Variants in NEK3 observed in about 807,000 individuals in gnomAD.
NEK3 encodes the protein NIMA related kinase 3.
Under a neutral mutation model 66.0 loss-of-function variants are expected in NEK3, and 54 were observed. The ratio of observed to expected loss-of-function variants is 0.82; its 90% CI spans 0.66 to 1.03. The LOEUF is 1.03. Ranked by LOEUF, NEK3 falls within the 50% of genes least tolerant of loss-of-function variation. The pLI is 0.00. For missense variants in NEK3, 593 were observed against 603.0 expected (o/e 0.98, Z 0.17); for synonymous variants, 200 against 206.2 (o/e 0.97, Z 0.26).
At chr13:52,145,550 C>T (rs1047859332) in intron 8 of NEK3, among the ~76,000 whole-genome samples, 9 of 152,148 alleles carry the variant, frequency 5.9e-5, no homozygotes, top group East Asian at 3.9e-4. Flanking sequence ...TGGGCTCAAA[C>T]GATCCTCCCA....
At position 52,159,566 on chromosome 13, in the gene NEK3, C is replaced by T. The variant is rs960365609; in HGVS notation, c.-81G>A. The T allele has an allele frequency of 6.6e-6, 1 of 152,226 alleles. No homozygotes were observed. The highest frequency in any genetic ancestry group is 1.5e-5 in the Non-Finnish European group (1 of 68,090). 9.4% of individuals were successfully genotyped at this position (152,226 alleles called of 1,614,324 possible). A position where few individuals can be genotyped will look rare whatever the true frequency, so the allele number is the denominator to read the frequency against. On this transcript the variant is annotated 5_prime_UTR_variant, in exon 1 of 16. Coordinates refer to ENST00000610828, the MANE Select transcript of NEK3 (RefSeq NM_002498.3). ...ACCCGCTTCCCCGGCGACCCTAGTC[C>T]ACTCCTTGGCCTGGCAACCGGCGGC...
chr13:52,151,321 A>G lies in NEK3; in HGVS notation c.461+4T>C. On this transcript the variant is annotated splice_donor_region_variant and intron_variant, in intron 6 of 15. Transcript: ENST00000610828. ...TGTCACTACCGTAGAACAGACATAC[A>G]TACTTGGAGAGAAGACGGGCAGATC... 6.3e-7 allele frequency: 1 copy of G among 1,598,610 alleles called. No individual in the cohort carries two copies. Among genetic ancestry groups the G allele is most frequent in the Non-Finnish European group, 8.5e-7 (1 of 1,172,158 alleles).
At chr13:52,158,010 T>C (rs1290311633) in intron 1 of NEK3, among the ~76,000 whole-genome samples, 1 of 152,192 alleles carries the variant, frequency 6.6e-6, no homozygotes, top group Non-Finnish European at 1.5e-5. Flanking sequence ...CCCGAGTAGC[T>C]GGGATTACAG....
Position 52,136,810 on chromosome 13 carries a change from T to G in NEK3, c.1020A>C (p.Arg340Ser). ...LVESALRRVN[R>S]EEKGNKSVHL... ...ATTTGAATAACTTACCTTTTTCTTCTCTGTTTACTCTTCTCAATGCACTTT... is the reference window on the plus strand; with the variant it reads ...ATTTGAATAACTTACCTTTTTCTTCGCTGTTTACTCTTCTCAATGCACTTT... The change falls in exon 12 of 16, where the codon AGA becomes AGC. Residue 340 changes from arginine (R) to serine (S), a missense_variant. Transcript: ENST00000610828. 6.4e-7 allele frequency: 1 copy of G among 1,552,538 alleles called. No homozygotes were observed. Among genetic ancestry groups the G allele is most frequent in the Non-Finnish European group, 8.7e-7 (1 of 1,146,038 alleles).
chr13:52,138,106 C>CA (rs1292814399), intron 11 of NEK3, among the ~76,000 whole-genome samples: 1 of 152,208 alleles, frequency 6.6e-6, no homozygotes, highest in Non-Finnish European at 1.5e-5. Context: ...CTGCCCTCCT[C>CA]AACTTCCCAG....
chr13:52,148,495 T>G, intron 7 of NEK3, 26 bp from the exon 8 acceptor site: 1 of 1,605,608 alleles, frequency 6.2e-7, no homozygotes, highest in Non-Finnish European at 8.5e-7. Flanking sequence ...AGCAATGTAA[T>G]CACAAGCAGG....
intron 4 of NEK3, among the ~76,000 whole-genome samples, chr13:52,153,189 G>A (rs1488147353): frequency 6.6e-6 from 1 of 151,920 alleles, no homozygotes; most frequent in Non-Finnish European, 1.5e-5. Flanking sequence ...GGTGTCTTGG[G>A]GGCCTACAGT....
intron 14 of NEK3, among the ~76,000 whole-genome samples, chr13:52,134,645 C>T (rs930761820): frequency 6.6e-6 from 1 of 152,208 alleles, no homozygotes; most frequent in Non-Finnish European, 1.5e-5. Flanking sequence ...AGCACTATGA[C>T]ATATTTTTTA....
At chr13:52,133,892 C>A in intron 14 of NEK3, 77 bp from the exon 15 acceptor site, 1 of 1,424,708 alleles carries the variant, frequency 7.0e-7, no homozygotes. Context: ...TAAAATCCTC[C>A]GTAAGCTTGC....
At chr13:52,156,824 C>G (rs1412490930) in intron 1 of NEK3, 2 of 152,212 alleles carry the variant, frequency 1.3e-5, no homozygotes, top group Non-Finnish European at 1.5e-5. Flanking sequence ...AGCTACTGAA[C>G]CTAAGAGGGC....
chr13:52,156,864 T>G (rs1253727357), intron 1 of NEK3: 12 of 152,258 alleles, frequency 7.9e-5, no homozygotes, highest in African/African-American at 2.9e-4. Flanking sequence ...TCCCCTATAC[T>G]ACATACAACA....
chr13:52,144,733 T>G lies in NEK3; in HGVS notation c.762A>C (p.Arg254=), dbSNP rs1489546697. Reference sequence around the variant, plus strand: ...TCTGGACAAGCCGAGCTACGATGCCTCGAGAGAGAAGCGTTGTAGCCGAGG... The same window carrying G: ...TCTGGACAAGCCGAGCTACGATGCCGCGAGAGAGAAGCGTTGTAGCCGAGG... ...HRPSATTLLS[R]GIVARLVQKC... is the part of the protein sequence containing the mutation. The change falls in exon 9 of 16, where the codon CGA becomes CGC. Residue 254 remains arginine, a synonymous_variant. Transcript: ENST00000610828. 1 of 1,613,746 alleles carries G rather than the reference T, an allele frequency of 6.2e-7. No individual in the cohort carries two copies. The highest frequency in any genetic ancestry group is 1.3e-5 in the African/African-American group (1 of 74,890).
At chr13:52,152,273 ATACT>A in intron 5 of NEK3, among the ~76,000 whole-genome samples, 1 of 152,350 alleles carries the variant, frequency 6.6e-6, no homozygotes, top group Middle Eastern at 3.4e-3. Context: ...AATGCATAGA[ATACT>A]TAAAAAGTGC....
chr13:52,143,795 T>G, intron 10 of NEK3, 120 bp downstream of exon 10: 2 of 620,724 alleles, frequency 3.2e-6, no homozygotes, highest in Admixed American at 3.2e-5. Context: ...AAAGAAAAGG[T>G]TCATTTGAGG....
intron 11 of NEK3, among the ~76,000 whole-genome samples, chr13:52,137,508 G>T (rs983667035): frequency 6.6e-6 from 1 of 152,230 alleles, no homozygotes; most frequent in Non-Finnish European, 1.5e-5. Context: ...TAAAGAAAGA[G>T]TAGGCTTGGG....
Position 52,156,157 on chromosome 13 carries a change from TC to T in NEK3, c.34del (p.Glu12ArgfsTer21). On this transcript the variant is annotated frameshift_variant, in exon 2 of 16. Transcript: ENST00000610828. LOFTEE classifies it high-confidence loss of function. ...DDYMVLRMIGEGSFGRALLVQ... is the reference protein window; with the variant it reads ...DDYMVLRMIGXGSFGRALLVQ... ...CAAAAGAGCTCTGCCGAAGGAGCCC[TC>T]CCCAATCATTCTCAGGACCATGTAG... The T allele has an allele frequency of 6.2e-7, 1 of 1,604,070 alleles. No homozygotes were observed. The highest frequency in any genetic ancestry group is 8.5e-7 in the Non-Finnish European group (1 of 1,174,966).
intron 11 of NEK3, among the ~76,000 whole-genome samples, chr13:52,140,083 C>T (rs939669081): frequency 6.9e-6 from 1 of 144,260 alleles, no homozygotes; most frequent in African/African-American, 2.5e-5. Flanking sequence ...GGCATGGTGG[C>T]ACATGCCTGT....
chr13:52,143,334 A>G (rs1956266837), intron 10 of NEK3, among the ~76,000 whole-genome samples: 1 of 150,274 alleles, frequency 6.7e-6, no homozygotes, highest in Non-Finnish European at 1.5e-5. Context: ...AAAAACAAGC[A>G]GTTTTAGGTT....
At chr13:52,133,569 A>G (rs1219203304) in intron 15 of NEK3, 120 bp downstream of exon 15, 5 of 1,298,958 alleles carry the variant, frequency 3.8e-6, no homozygotes, top group Admixed American at 2.7e-5. Flanking sequence ...GAAAAGTAAT[A>G]TAAGAGGTCC....
Sources: gnomAD v4.1 joint callset for allele counts (sites outside exome capture counted in the v4.1 genomes callset) on GRCh38, gnomAD v4.1.1 for gene constraint, MANE v1.5 for transcripts, NCBI Gene and HGNC (gene_info 2026-07-23, HGNC 2026-07-21) for gene names.